Variants in ADAM9 observed in about 807,000 individuals in gnomAD.
ADAM9 encodes the protein ADAM metallopeptidase domain 9.
In ADAM9, 54 loss-of-function variants were observed where a neutral mutation model predicts 108.1. The ratio of observed to expected loss-of-function variants is 0.50; its 90% CI spans 0.40 to 0.63. The LOEUF is 0.63. Ranked by LOEUF, ADAM9 falls within the 20% of genes least tolerant of loss-of-function variation. The pLI, the probability that ADAM9 is intolerant of heterozygous loss-of-function variation, is 0.00. For synonymous variants in ADAM9, 316 were observed against 336.0 expected (o/e 0.94, Z 0.65); for missense variants, 830 against 997.7 (o/e 0.83, Z 2.26).
chr8:39,002,933 G>T (rs533474261), intron 1 of ADAM9, among the ~76,000 whole-genome samples: 2 of 151,930 alleles, frequency 1.3e-5, no homozygotes, highest in Admixed American at 1.3e-4. Context: ...CCCCTCCTGG[G>T]CTAAAGTGGT....
intron 20 of ADAM9, among the ~76,000 whole-genome samples, chr8:39,094,381 T>A (rs989427547): frequency 6.6e-5 from 10 of 152,182 alleles, no homozygotes; most frequent in African/African-American, 2.4e-4. Flanking sequence ...GGCCTGTAAT[T>A]TTCTTTTCTT....
chr8:39,064,549 C>A (rs776657690), intron 14 of ADAM9, among the ~76,000 whole-genome samples: 2 of 152,152 alleles, frequency 1.3e-5, no homozygotes, highest in Non-Finnish European at 2.9e-5. Context: ...TAGTTCCAGT[C>A]CAGATTTGAA....
At chr8:39,088,440 G>T (rs1402779232) in intron 18 of ADAM9, among the ~76,000 whole-genome samples, 4 of 151,838 alleles carry the variant, frequency 2.6e-5, no homozygotes, top group Non-Finnish European at 5.9e-5. Flanking sequence ...TGTATTTTTA[G>T]TAGAGACGGG....
At chr8:39,009,337 T>A (rs962017849) in intron 2 of ADAM9, among the ~76,000 whole-genome samples, 2 of 152,248 alleles carry the variant, frequency 1.3e-5, no homozygotes, top group African/African-American at 4.8e-5. Context: ...CCTCCTGGGT[T>A]CAAGTGATTC....
intron 16 of ADAM9, 63 bp from the exon 17 acceptor site, chr8:39,082,578 C>CTG: frequency 2.3e-6 from 3 of 1,325,808 alleles, no homozygotes; most frequent in Non-Finnish European, 3.2e-6. Flanking sequence ...GGTCTTTTTT[C>CTG]TGGGTACTTT....
intron 5 of ADAM9, 158 bp from the exon 6 acceptor site, chr8:39,017,061 C>T (rs1168321036): frequency 1.3e-6 from 1 of 784,622 alleles, no homozygotes; most frequent in Non-Finnish European, 2.1e-6. Context: ...TTAGGTCCGT[C>T]CCAGCCCTAT....
At chr8:39,103,478 C>T in intron 21 of ADAM9, 129 bp from the exon 22 acceptor site, 3 of 903,228 alleles carry the variant, frequency 3.3e-6, no homozygotes, top group Admixed American at 3.8e-5. Flanking sequence ...TAATACTGAT[C>T]TCAGAATGTA....
chr8:39,062,042 C>G (rs578054776), intron 14 of ADAM9, among the ~76,000 whole-genome samples: 1 of 152,082 alleles, frequency 6.6e-6, no homozygotes, highest in African/African-American at 2.4e-5. Context: ...ATCGCCAATC[C>G]CATCATAAGG....
At chr8:39,035,547 G>A (rs546041557) in intron 11 of ADAM9, among the ~76,000 whole-genome samples, 3 of 152,038 alleles carry the variant, frequency 2.0e-5, no homozygotes, top group Admixed American at 6.5e-5. Flanking sequence ...GACCGGGTGC[G>A]GTGGCTCACG....
At chr8:39,025,122 A>G (rs891079649) in intron 9 of ADAM9, among the ~76,000 whole-genome samples, 6 of 151,940 alleles carry the variant, frequency 3.9e-5, no homozygotes, top group Non-Finnish European at 7.4e-5. Context: ...ACAGAGTCTC[A>G]TTCTATCACC....
chr8:39,011,725 T>C lies in ADAM9; in HGVS notation c.254+9T>C. 6.2e-7 allele frequency: 1 copy of C among 1,604,878 alleles called. No homozygotes were observed. On this transcript the variant is annotated intron_variant, in intron 3 of 21. Transcript: ENST00000487273. ...CACTTGGAAAGGAACAAGTAAGACA[T>C]TTAATTTATTTTGGCTTTTCAGTAA...
intron 12 of ADAM9, among the ~76,000 whole-genome samples, chr8:39,052,225 T>C (rs1837980635): frequency 6.6e-6 from 1 of 152,140 alleles, no homozygotes; most frequent in African/African-American, 2.4e-5. Flanking sequence ...TGTTTTAGTT[T>C]ACAGTTTTTC....
chr8:39,099,875 GTTTTTT>G (rs111740274), intron 20 of ADAM9, among the ~76,000 whole-genome samples: 2 of 89,540 alleles, frequency 2.2e-5, no homozygotes, highest in Non-Finnish European at 4.3e-5. Flanking sequence ...TATCGTGTTT[GTTTTTT>G]TTTTTTTTTT....
chr8:39,034,057 A>G (rs1837190935), intron 11 of ADAM9, among the ~76,000 whole-genome samples: 1 of 152,042 alleles, frequency 6.6e-6, no homozygotes, highest in Non-Finnish European at 1.5e-5. Context: ...GAGTGTTTTT[A>G]TATTTATTTT....
chr8:39,077,435 C>T (rs1296896931), intron 16 of ADAM9, 24 bp downstream of exon 16: 1 of 1,582,396 alleles, frequency 6.3e-7, no homozygotes, highest in African/African-American at 1.4e-5. Flanking sequence ...TTTTTATTTA[C>T]AAAGTAAAAT....
chr8:39,030,319 T>G (rs1837058281), intron 11 of ADAM9, among the ~76,000 whole-genome samples: 1 of 152,222 alleles, frequency 6.6e-6, no homozygotes, highest in Non-Finnish European at 1.5e-5. Flanking sequence ...AGTTTCGTGT[T>G]TTCCAGAATA....
intron 14 of ADAM9, among the ~76,000 whole-genome samples, chr8:39,058,237 A>G (rs1318085304): frequency 6.6e-6 from 1 of 152,188 alleles, no homozygotes; most frequent in Non-Finnish European, 1.5e-5. Context: ...GTGTGTGTGA[A>G]TGCACACACA....
chr8:39,038,837 A>C (rs1325998230), intron 11 of ADAM9, among the ~76,000 whole-genome samples: 20 of 152,202 alleles, frequency 1.3e-4, no homozygotes, highest in Admixed American at 1.3e-3. Context: ...TCTTTCCGTG[A>C]GTCAGAATTT....
At chr8:39,045,082 GCATACATACATATGTGTGTGTGCATA>G (rs1837610283) in intron 12 of ADAM9, among the ~76,000 whole-genome samples, 2 of 13,216 alleles carry the variant, frequency 1.5e-4, no homozygotes, top group African/African-American at 8.5e-4. Context: ...ATGTGTGTGT[GCATACATACATATGTGTGTGTGCATA>G]CATACATATG....
Sources: gnomAD v4.1 joint callset for allele counts (sites outside exome capture counted in the v4.1 genomes callset) on GRCh38, gnomAD v4.1.1 for gene constraint, MANE v1.5 for transcripts, NCBI Gene and HGNC (gene_info 2026-07-23, HGNC 2026-07-21) for gene names.